Variants in PHF24 observed in about 807,000 individuals in gnomAD.
The protein encoded by PHF24 is PHD finger protein 24.
In PHF24, 25 loss-of-function variants were observed where a neutral mutation model predicts 42.6. The ratio of observed to expected loss-of-function variants is 0.59; its 90% confidence interval spans 0.43 to 0.82. PHF24 has a LOEUF of 0.82. Among genes scored for constraint, PHF24 ranks in the 40% least tolerant of loss-of-function variants. PHF24 has a pLI of 0.00. For synonymous variants in PHF24, 185 were observed against 204.8 expected, an observed-to-expected ratio of 0.90 and a Z score of 0.83; for missense variants, 470 against 538.1, an observed-to-expected ratio of 0.87 and a Z score of 1.25.
the PHF24 span, among the ~76,000 whole-genome samples, chr9:34,767,224 C>G: frequency 6.6e-6 from 1 of 152,226 alleles, no homozygotes; most frequent in Admixed American, 6.5e-5. Flanking sequence ...AACCACTGCT[C>G]TCTTCAAAGC....
At chr9:34,790,936 A>G in the PHF24 span, among the ~76,000 whole-genome samples, 1 of 152,232 alleles carries the variant, frequency 6.6e-6, no homozygotes, top group Non-Finnish European at 1.5e-5. Flanking sequence ...TAATGTCATT[A>G]AGAAAGGAGA....
At chr9:34,738,511 C>T in the PHF24 span, among the ~76,000 whole-genome samples, 4 of 152,060 alleles carry the variant, frequency 2.6e-5, no homozygotes, top group South Asian at 2.1e-4. Flanking sequence ...CCACCATGCC[C>T]GGCTAATTGT....
At chr9:34,782,366 T>C in the PHF24 span, among the ~76,000 whole-genome samples, 1 of 152,208 alleles carries the variant, frequency 6.6e-6, no homozygotes, top group Admixed American at 6.5e-5. Context: ...CTCTCAACAA[T>C]TCATTAGTTC....
intron 1 of PHF24, among the ~76,000 whole-genome samples, chr9:34,964,928 T>G (rs1305027780): frequency 1.3e-5 from 2 of 152,188 alleles, no homozygotes; most frequent in South Asian, 4.1e-4. Flanking sequence ...TGGGACAATA[T>G]CTTTTTGGCC....
chr9:34,911,999 A>G, the PHF24 span, among the ~76,000 whole-genome samples: 3 of 152,226 alleles, frequency 2.0e-5, no homozygotes, highest in African/African-American at 7.2e-5. Context: ...AGAAAATCCC[A>G]TTTTTCATGG....
At chr9:34,796,465 A>G in the PHF24 span, among the ~76,000 whole-genome samples, 2 of 152,198 alleles carry the variant, frequency 1.3e-5, no homozygotes, top group Non-Finnish European at 2.9e-5. Context: ...TTCGCAAATC[A>G]AACATCCAAC....
chr9:34,899,860 C>G, the PHF24 span, among the ~76,000 whole-genome samples: 1 of 152,164 alleles, frequency 6.6e-6, no homozygotes, highest in African/African-American at 2.4e-5. Context: ...ATATCAGAAT[C>G]ACTCGGGAGC....
chr9:34,855,479 A>T, the PHF24 span, among the ~76,000 whole-genome samples: 1 of 152,332 alleles, frequency 6.6e-6, no homozygotes, highest in Non-Finnish European at 1.5e-5. Flanking sequence ...GTGGTGACGA[A>T]TTCCCTTAAC....
the PHF24 span, among the ~76,000 whole-genome samples, chr9:34,738,443 C>A: frequency 6.6e-6 from 1 of 152,028 alleles, no homozygotes; most frequent in African/African-American, 2.4e-5. Flanking sequence ...CTCTGCCTCC[C>A]GGGTTTGAGC....
the PHF24 span, among the ~76,000 whole-genome samples, chr9:34,915,608 T>C: frequency 6.6e-6 from 1 of 151,840 alleles, no homozygotes; most frequent in Non-Finnish European, 1.5e-5. Context: ...TCCATTGCAA[T>C]CAGAGAACAG....
chr9:34,928,584 G>A, the PHF24 span, among the ~76,000 whole-genome samples: 1 of 151,998 alleles, frequency 6.6e-6, no homozygotes, highest in African/African-American at 2.4e-5. Flanking sequence ...ATCTTTTCAT[G>A]TGTGATAGTC....
the PHF24 span, among the ~76,000 whole-genome samples, chr9:34,718,594 A>G: frequency 6.6e-6 from 1 of 152,252 alleles, no homozygotes; most frequent in Non-Finnish European, 1.5e-5. Flanking sequence ...CATGGGCTCC[A>G]GAGGCCAGGT....
the PHF24 span, among the ~76,000 whole-genome samples, chr9:34,673,003 T>C: frequency 6.6e-6 from 1 of 152,066 alleles, no homozygotes; most frequent in African/African-American, 2.4e-5. Flanking sequence ...GCATGAGTTT[T>C]GGAGGGGACA....
At chr9:34,750,069 C>G in the PHF24 span, among the ~76,000 whole-genome samples, 1 of 152,100 alleles carries the variant, frequency 6.6e-6, no homozygotes, top group Non-Finnish European at 1.5e-5. Context: ...CAGACCTGTC[C>G]TACAAGAAAT....
chr9:34,777,755 C>T, the PHF24 span, among the ~76,000 whole-genome samples: 1 of 152,216 alleles, frequency 6.6e-6, no homozygotes, highest in Admixed American at 6.5e-5. Flanking sequence ...GCCTCAGACC[C>T]AGCGCTGCTG....
the PHF24 span, among the ~76,000 whole-genome samples, chr9:34,866,151 A>G: frequency 6.6e-6 from 1 of 152,322 alleles, no homozygotes; most frequent in Admixed American, 6.5e-5. Flanking sequence ...TGAAATCCAA[A>G]TATATTTCCT....
At chr9:34,912,768 G>A in the PHF24 span, among the ~76,000 whole-genome samples, 1 of 152,094 alleles carries the variant, frequency 6.6e-6, no homozygotes. Context: ...AAATAGGCCC[G>A]GAGTCTCACA....
the PHF24 span, chr9:34,833,903 AGGGCC>A: frequency 1.9e-6 from 3 of 1,542,174 alleles, no homozygotes; most frequent in Non-Finnish European, 2.6e-6. Context: ...TGCCGGGGCC[AGGGCC>A]CTGGGGAGCG....
At chr9:34,770,837 G>A in the PHF24 span, among the ~76,000 whole-genome samples, 1 of 151,664 alleles carries the variant, frequency 6.6e-6, no homozygotes, top group Admixed American at 6.6e-5. Context: ...ATTGTGGCCG[G>A]GCATGGTGGC....
Sources: allele counts gnomAD v4.1 joint callset (sites outside exome capture counted in the v4.1 genomes callset), GRCh38; gene constraint gnomAD v4.1.1; transcripts MANE v1.5; gene names NCBI Gene and HGNC (gene_info 2026-07-23, HGNC 2026-07-21).